MTERF4: variants seen among roughly 807,000 people sequenced by gnomAD.
MTERF4 encodes mitochondrial transcription termination factor 4.
A neutral mutation model predicts 22.5 loss-of-function variants in MTERF4; 17 were observed. The observed-to-expected ratio is 0.75, with a 90% CI of 0.52 to 1.13. The LOEUF (loss-of-function observed/expected upper bound fraction) is 1.13, where lower values mean the gene tolerates loss of function less well. MTERF4 is among the 50% of genes most tolerant of loss of function. The pLI is 0.00. For synonymous variants in MTERF4, 165 were observed against 175.3 expected (o/e 0.94, Z 0.47); for missense variants, 420 against 466.8 (o/e 0.90, Z 0.92).
At chr2:241,061,585 T>G in the MTERF4 span, among the ~76,000 whole-genome samples, 2 of 152,118 alleles carry the variant, frequency 1.3e-5, no homozygotes, top group African/African-American at 4.8e-5. Context: ...CAGCAACATT[T>G]TTTGTAAAAG....
chr2:241,048,971 C>T, the MTERF4 span: 1 of 1,498,162 alleles, frequency 6.7e-7, no homozygotes, highest in African/African-American at 1.4e-5. Context: ...GACTCGAGGT[C>T]TGCTGGAAGA....
chr2:241,051,580 C>A, the MTERF4 span: 32 of 496,138 alleles, frequency 6.4e-5, no homozygotes, highest in Admixed American at 1.2e-3. This position sits in a 1 kb window ranked among gnomAD's most constrained non-coding sequence, Gnocchi z 4.7. Context: ...CCAGCCCCCA[C>A]CATGTGTGCG....
the MTERF4 span, chr2:241,048,456 A>G: frequency 6.3e-7 from 1 of 1,584,608 alleles, no homozygotes; most frequent in South Asian, 1.2e-5. Flanking sequence ...TCTGGGCTGC[A>G]AGGGCTGCCG....
At chr2:241,068,949 C>T (rs930631735), downstream of MTERF4, 4 of 1,555,894 alleles carry the variant, frequency 2.6e-6, no homozygotes, top group Non-Finnish European at 3.5e-6. The surrounding 1 kb of genome is among the most constrained non-coding windows in gnomAD (Gnocchi z 5.3). Context: ...ATCCAGCTGA[C>T]CACCCTCAGT....
chr2:241,068,880 C>T (rs1047826273), downstream of MTERF4: 15 of 1,461,130 alleles, frequency 1.0e-5, no homozygotes, highest in Admixed American at 2.8e-4. This position sits in a 1 kb window ranked among gnomAD's most constrained non-coding sequence, Gnocchi z 5.3. Flanking sequence ...CCAGACATCC[C>T]TGTTCTCTCT....
chr2:241,058,516 G>A, the MTERF4 span, among the ~76,000 whole-genome samples: 4 of 152,182 alleles, frequency 2.6e-5, no homozygotes, highest in African/African-American at 9.6e-5. Flanking sequence ...AAAGCCTAAT[G>A]TAACATGTTT....
In MTERF4 at chr2:241,096,016, G is replaced by A. The variant is rs114631297; in HGVS notation, c.1128C>T (p.Asp376=). 8.9e-5 allele frequency: 144 copies of A among 1,613,670 alleles called. 2 individuals carry two copies. Among genetic ancestry groups the A allele is most frequent in the South Asian group, 8.7e-4 (79 of 91,066 alleles). The change falls in exon 4 of 4, where the codon GAC becomes GAT. Residue 376 remains aspartate, a synonymous_variant. Coordinates refer to ENST00000391980, the MANE Select transcript of MTERF4 (RefSeq NM_182501.4). This position sits in a 1 kb window ranked among gnomAD's most constrained non-coding sequence, Gnocchi z 5.1. ...DEAEDNDEDE[D]DDEEE ...ATCACAGCTATTCCTCCTCGTCGTC[G>A]TCCTCATCCTCATCATTGTCCTCCG...
chr2:241,064,520 C>T, the MTERF4 span, among the ~76,000 whole-genome samples: 1 of 152,196 alleles, frequency 6.6e-6, no homozygotes, highest in Non-Finnish European at 1.5e-5. The surrounding 1 kb of genome is among the most constrained non-coding windows in gnomAD (Gnocchi z 7.0). Flanking sequence ...GGGATACCTC[C>T]TGATGAGGCT....
chr2:241,072,451 C>T (rs2062779909), exon 5 of MTERF4: 2 of 355,896 alleles, frequency 5.6e-6, no homozygotes, highest in Non-Finnish European at 1.1e-5. Flanking sequence ...GCAGGCGCGA[C>T]CCTGCCCCAG....
chr2:241,066,766 A>G, the MTERF4 span, among the ~76,000 whole-genome samples: 1 of 152,180 alleles, frequency 6.6e-6, no homozygotes, highest in African/African-American at 2.4e-5. Context: ...CGGTTCTCAC[A>G]GGAGGAAAGC....
the MTERF4 span, chr2:241,065,742 G>A: frequency 4.2e-6 from 3 of 714,266 alleles, no homozygotes; most frequent in Non-Finnish European, 6.9e-6. Flanking sequence ...GGGGTTGGAG[G>A]CACCGCCCTG....
chr2:241,047,146 C>CAA, the MTERF4 span, among the ~76,000 whole-genome samples: 64 of 67,886 alleles, frequency 9.4e-4, no homozygotes, highest in South Asian at 1.9e-3. Context: ...GAGACTCTGT[C>CAA]AAAAAAAAAA....
At chr2:241,102,145 G>A (rs1341759551) in intron 1 of MTERF4, 108 bp downstream of exon 1, 1 of 1,481,132 alleles carries the variant, frequency 6.8e-7, no homozygotes, top group Non-Finnish European at 9.2e-7. Context: ...CGGACCTCCG[G>A]GAGGGCTCCA....
At chr2:241,059,943 GAAGA>G in the MTERF4 span, among the ~76,000 whole-genome samples, 2 of 152,074 alleles carry the variant, frequency 1.3e-5, no homozygotes, top group South Asian at 4.1e-4. Context: ...GGAAGGAAAG[GAAGA>G]AAGAATTAGA....
At chr2:241,053,791 C>T in the MTERF4 span, among the ~76,000 whole-genome samples, 1 of 152,180 alleles carries the variant, frequency 6.6e-6, no homozygotes. Flanking sequence ...CCACCCCTGT[C>T]TGGCTTGGGA....
At chr2:241,078,697 G>A (rs557287978) in intron 4 of MTERF4, among the ~76,000 whole-genome samples, 12 of 151,866 alleles carry the variant, frequency 7.9e-5, no homozygotes, top group African/African-American at 1.7e-4. Flanking sequence ...CTGAGGTCAC[G>A]AAAATGTTCT....
chr2:241,066,926 C>T, the MTERF4 span, among the ~76,000 whole-genome samples: 1 of 152,214 alleles, frequency 6.6e-6, no homozygotes, highest in Non-Finnish European at 1.5e-5. Flanking sequence ...GTTCCCAACA[C>T]AGCAAGGACA....
chr2:241,052,322 C>T, the MTERF4 span: 2 of 1,536,396 alleles, frequency 1.3e-6, no homozygotes, highest in Admixed American at 1.8e-5. Flanking sequence ...TCAGGGAAGA[C>T]ACAGTGGCCA....
Position 241,095,983 on chromosome 2 carries a change from G to C in MTERF4, c.*15C>G. The C allele has an allele frequency of 6.2e-7, 1 of 1,612,254 alleles. No homozygotes were observed. The highest frequency in any genetic ancestry group is 8.5e-7 in the Non-Finnish European group (1 of 1,178,706). On this transcript the variant is annotated 3_prime_UTR_variant, in exon 4 of 4. Transcript: ENST00000391980. ...GATATCTCTGGGCCCTTTCGCTCTA[G>C]TCCTTCCATCACAGCTATTCCTCCT...
Sources: allele counts gnomAD v4.1 joint callset (sites outside exome capture counted in the v4.1 genomes callset), GRCh38; gene constraint gnomAD v4.1.1; non-coding constraint Gnocchi (gnomAD v3.1); transcripts MANE v1.5; gene names NCBI Gene and HGNC (gene_info 2026-07-23, HGNC 2026-07-21).